The following SCTR variants were observed in gnomAD, a reference collection of about 807,000 sequenced individuals.
The protein encoded by SCTR is pancreatic secretin receptor.
In SCTR, 56 loss-of-function variants were observed where a neutral mutation model predicts 60.8. The observed-to-expected ratio is 0.92, with a 90% CI of 0.74 to 1.15. SCTR has a LOEUF of 1.15. Ranked by LOEUF, SCTR falls within the 50% of genes most tolerant of loss-of-function variation. SCTR has a pLI of 0.00. For missense variants in SCTR, 562 were observed against 550.4 expected (o/e 1.02, Z -0.21); for synonymous variants, 202 against 217.0 (o/e 0.93, Z 0.61).
chr2:119,522,007 A>G (rs1679301042), intron 1 of SCTR, among the ~76,000 whole-genome samples: 1 of 152,240 alleles, frequency 6.6e-6, no homozygotes, highest in South Asian at 2.1e-4. Context: ...TGAAAATACA[A>G]GGGACCGCCG....
intron 4 of SCTR, among the ~76,000 whole-genome samples, chr2:119,472,251 A>G (rs1677053591): frequency 6.6e-6 from 1 of 152,162 alleles, no homozygotes; most frequent in Admixed American, 6.5e-5. Context: ...GCTCTAAGGG[A>G]GCCCTTCCCG....
In SCTR at chr2:119,461,945, G is replaced by T. The variant is rs145809237; in HGVS notation, c.692C>A (p.Ser231Tyr). Residue 231 changes from serine (S) to tyrosine (Y), a missense_variant, in exon 7 of 13, where the codon TCC becomes TAC. Coordinates refer to ENST00000019103, the MANE Select transcript of SCTR (RefSeq NM_002980.3). ...GTAGAGGCCTTCCACCAGCAGCCAG[G>T]AGTAGTTGGCCATGATGCAGTACTG... is the stretch of plus-strand genomic sequence containing the variant. ...LFQYCIMANY[S>Y]WLLVEGLYLH... is the part of the protein sequence containing the mutation. The T allele has an allele frequency of 1.9e-6, 3 of 1,614,026 alleles. No homozygotes were observed. In the Admixed American group the frequency reaches 5.0e-5, roughly 27 times the overall value.
At chr2:119,469,967 G>A (rs554208809) in intron 4 of SCTR, among the ~76,000 whole-genome samples, 3 of 152,228 alleles carry the variant, frequency 2.0e-5, no homozygotes, top group South Asian at 2.1e-4. Flanking sequence ...TTTTGTTAAG[G>A]GACAGAGAGT....
At chr2:119,477,168 C>T (rs1285336807) in intron 3 of SCTR, among the ~76,000 whole-genome samples, 1 of 152,186 alleles carries the variant, frequency 6.6e-6, no homozygotes, top group African/African-American at 2.4e-5. Flanking sequence ...GGCTGACTGG[C>T]ACCCAGCTAA....
intron 1 of SCTR, among the ~76,000 whole-genome samples, chr2:119,512,990 G>A (rs1400510904): frequency 6.6e-6 from 1 of 152,162 alleles, no homozygotes; most frequent in African/African-American, 2.4e-5. Flanking sequence ...TACGATCTAA[G>A]CTTGAGACAG....
At chr2:119,461,650 G>T (rs1324379969) in intron 7 of SCTR, among the ~76,000 whole-genome samples, 197 bp downstream of exon 7, 1 of 148,098 alleles carries the variant, frequency 6.8e-6, no homozygotes, top group African/African-American at 2.5e-5. Flanking sequence ...GATGAAGGTT[G>T]CAGTGAGCCA....
intron 5 of SCTR, 90 bp from the exon 6 acceptor site, chr2:119,464,345 C>T (rs1683744451): frequency 7.7e-7 from 1 of 1,298,130 alleles, no homozygotes; most frequent in Non-Finnish European, 1.1e-6. Context: ...ACTGGGGAAA[C>T]TGAGGCCCTA....
intron 10 of SCTR, among the ~76,000 whole-genome samples, chr2:119,447,963 G>A (rs1206949461): frequency 2.0e-5 from 3 of 152,150 alleles, no homozygotes; most frequent in Non-Finnish European, 4.4e-5. Flanking sequence ...CAGTATCTCA[G>A]AATGTGACTG....
chr2:119,461,755 T>A lies in SCTR; in HGVS notation c.790+92A>T, dbSNP rs549815574. 4 of 906,062 alleles carry A rather than the reference T, an allele frequency of 4.4e-6. No individual in the cohort carries two copies. The African/African-American group carries it at 7.0e-5, about 16-fold the overall frequency. 56.1% of individuals were successfully genotyped at this position (906,062 alleles called of 1,614,324 possible). A position where few individuals can be genotyped will look rare whatever the true frequency, so the allele number is the denominator to read the frequency against. ...AAAGATTACACAAGTTAGTTAAGTG[T>A]GGAGCTGGAACTAAAAGCCGAACCC... On this transcript the variant is annotated intron_variant, in intron 7 of 12. Transcript: ENST00000019103.
chr2:119,508,592 T>G (rs578072684), intron 1 of SCTR, among the ~76,000 whole-genome samples: 1 of 152,114 alleles, frequency 6.6e-6, no homozygotes, highest in South Asian at 2.1e-4. Context: ...TTTGCCATGT[T>G]GCTCAGGCTG....
At chr2:119,498,456 G>A (rs747112999) in intron 1 of SCTR, among the ~76,000 whole-genome samples, 1 of 152,116 alleles carries the variant, frequency 6.6e-6, no homozygotes, top group Non-Finnish European at 1.5e-5. Context: ...AAAAATGTGG[G>A]TAAATGCGAT....
rs1464282833 is a variant in SCTR, at chr2:119,452,025, C to T, written c.906G>A (p.Val302=). ...ASIWWIIRGP[V]ILSILINFIL... ...GGCCACTCACCAGGATGGAGAGGATCACAGGACCACGAATGATCCACCAGA... is the reference window on the plus strand; with the variant it reads ...GGCCACTCACCAGGATGGAGAGGATTACAGGACCACGAATGATCCACCAGA... The change falls in exon 9 of 13, where the codon GTG becomes GTA. Residue 302 remains valine (V), a synonymous_variant. Transcript: ENST00000019103. The T allele has an allele frequency of 6.8e-6, 11 of 1,606,404 alleles. No homozygotes were observed. Among genetic ancestry groups the T allele is most frequent in the African/African-American group, 2.7e-5 (2 of 74,834 alleles).
chr2:119,499,157 A>C (rs1350715702), intron 1 of SCTR, among the ~76,000 whole-genome samples: 1 of 152,024 alleles, frequency 6.6e-6, no homozygotes, highest in Non-Finnish European at 1.5e-5. Context: ...AAAAAAAGGC[A>C]AGCTATCAAA....
intron 8 of SCTR, 81 bp from the exon 9 acceptor site, chr2:119,452,160 T>C: frequency 1.2e-6 from 1 of 841,306 alleles, no homozygotes; most frequent in Non-Finnish European, 2.0e-6. Context: ...TTCCCTGAGG[T>C]GGCCCTTGGT....
chr2:119,478,883 G>A lies in SCTR; in HGVS notation c.229C>T (p.Pro77Ser), dbSNP rs1175991611. ...EGMWDNISCW[P>S]SSVPGRMVEV... is the part of the protein sequence containing the mutation. ...ACCATCCGGCCCGGCACAGAAGAGG[G>A]CCAGCAGCTTATGTTGTCCCACATC... The change falls in exon 3 of 13, where the codon CCC becomes TCC. Residue 77 changes from proline to serine, a missense_variant. Physicochemically the swap from Pro to Ser is moderately conservative, Grantham distance 74 (BLOSUM62 -1). Transcript: ENST00000019103. 6.2e-7 allele frequency: 1 copy of A among 1,614,016 alleles called. No homozygotes were observed. Among genetic ancestry groups the A allele is most frequent in the African/African-American group, 1.3e-5 (1 of 74,898 alleles).
chr2:119,462,813 T>C (rs2104802123), intron 6 of SCTR, among the ~76,000 whole-genome samples: 1 of 152,358 alleles, frequency 6.6e-6, no homozygotes, highest in African/African-American at 2.4e-5. Flanking sequence ...TGGTGGTTCC[T>C]GCCTTATGGC....
At chr2:119,506,128 T>A (rs563240546) in intron 1 of SCTR, among the ~76,000 whole-genome samples, 3 of 152,166 alleles carry the variant, frequency 2.0e-5, no homozygotes, top group Non-Finnish European at 4.4e-5. Context: ...ACCAGGCAAC[T>A]AAACATGCAA....
At chr2:119,485,296 G>A (rs1677815062) in intron 2 of SCTR, among the ~76,000 whole-genome samples, 1 of 152,190 alleles carries the variant, frequency 6.6e-6, no homozygotes, top group Admixed American at 6.5e-5. Flanking sequence ...TATATTTGTG[G>A]AGCCCCTGGC....
At chr2:119,449,324 G>A (rs1402427084) in intron 9 of SCTR, among the ~76,000 whole-genome samples, 1 of 152,176 alleles carries the variant, frequency 6.6e-6, no homozygotes. Flanking sequence ...CAGCTCAATC[G>A]CCAGCTTCAA....
Sources: gnomAD v4.1 joint callset for allele counts (sites outside exome capture counted in the v4.1 genomes callset) on GRCh38, gnomAD v4.1.1 for gene constraint, MANE v1.5 for transcripts, NCBI Gene and HGNC (gene_info 2026-07-23, HGNC 2026-07-21) for gene names.